The following NAV2 variants were observed in gnomAD, a reference collection of about 807,000 sequenced individuals.
NAV2 encodes neuron navigator 2.
Under a neutral mutation model 223.2 loss-of-function variants are expected in NAV2, and 54 were observed. That is an observed-to-expected ratio of 0.24 (90% CI 0.19 to 0.30). NAV2 has a LOEUF of 0.30. Among genes scored for constraint, NAV2 ranks in the 10% least tolerant of loss-of-function variants. The probability of loss-of-function intolerance (pLI) is 1.00; values close to 1 mark genes in which losing one functional copy is unlikely to be tolerated. For synonymous variants in NAV2, 1,279 were observed against 1,239.3 expected, an observed-to-expected ratio of 1.03 and a Z score of -0.67; for missense variants, 2,806 against 3,147.5, an observed-to-expected ratio of 0.89 and a Z score of 2.60.
At chr11:19,851,116 A>G (rs1005772886) in intron 3 of NAV2, among the ~76,000 whole-genome samples, 2 of 152,218 alleles carry the variant, frequency 1.3e-5, no homozygotes, top group African/African-American at 4.8e-5. Flanking sequence ...CTAAAACTCT[A>G]TGAGAGCATA....
chr11:19,616,547 G>A (rs1433595281), intron 1 of NAV2, among the ~76,000 whole-genome samples: 1 of 152,098 alleles, frequency 6.6e-6, no homozygotes, highest in Non-Finnish European at 1.5e-5. Context: ...AGTCTGGAAG[G>A]CAGTCAGGCA....
intron 1 of NAV2, among the ~76,000 whole-genome samples, chr11:19,588,015 T>C (rs1428542516): frequency 1.3e-5 from 2 of 152,242 alleles, no homozygotes; most frequent in Non-Finnish European, 2.9e-5. Context: ...TGCAAATCTC[T>C]TGCCCTTAGA....
intron 1 of NAV2, among the ~76,000 whole-genome samples, chr11:19,784,971 G>T (rs1472674591): frequency 6.6e-6 from 1 of 152,176 alleles, no homozygotes; most frequent in Admixed American, 6.5e-5. Context: ...ATACAAGGTG[G>T]ATTAATGTTA....
At chr11:20,077,142 A>G (rs2059807305) in intron 22 of NAV2, among the ~76,000 whole-genome samples, 1 of 152,122 alleles carries the variant, frequency 6.6e-6, no homozygotes, top group South Asian at 2.1e-4. Flanking sequence ...CAATTACAAG[A>G]CTGCATGTAT....
At chr11:19,406,422 C>G (rs562112907) in intron 1 of NAV2, among the ~76,000 whole-genome samples, 1 of 152,160 alleles carries the variant, frequency 6.6e-6, no homozygotes, top group Non-Finnish European at 1.5e-5. Flanking sequence ...TGGAGGAGAG[C>G]GTTTTCCAGA....
chr11:19,990,583 C>A (rs866537882), intron 11 of NAV2, among the ~76,000 whole-genome samples: 2 of 152,146 alleles, frequency 1.3e-5, no homozygotes, highest in South Asian at 4.2e-4. Context: ...AATCTTCCCA[C>A]CGTCATCAAG....
chr11:19,941,398 G>A (rs2046391043), intron 8 of NAV2, among the ~76,000 whole-genome samples: 1 of 131,758 alleles, frequency 7.6e-6, no homozygotes, highest in South Asian at 2.4e-4. Flanking sequence ...TCAAGCAGTA[G>A]AAGTCACACA....
intron 1 of NAV2, among the ~76,000 whole-genome samples, chr11:19,497,983 G>A (rs1047448136): frequency 6.6e-5 from 10 of 152,176 alleles, no homozygotes; most frequent in Non-Finnish European, 1.0e-4. Context: ...TTCTGAGGTC[G>A]TTTTGTCATC....
chr11:19,433,419 G>A (rs1196600662), intron 1 of NAV2, among the ~76,000 whole-genome samples: 7 of 152,198 alleles, frequency 4.6e-5, no homozygotes, highest in Non-Finnish European at 2.9e-5. Flanking sequence ...GCAAGCATGA[G>A]ATCCTTGGCT....
rs2057320327 is a variant in NAV2 at position 20,045,226 on chromosome 11, C to T, written c.3458C>T (p.Pro1153Leu). Residue 1153 changes from proline to leucine, a missense_variant, in exon 14 of 38, where the codon CCA becomes CTA. Pro to Leu is a moderately conservative substitution (Grantham distance 98). Coordinates refer to ENST00000349880, the MANE Select transcript of NAV2 (RefSeq NM_145117.5). ...AGGTCAGCCACACTGGGCAAAATCC[C>T]AAAGTCATCTGCACTCGTCAGTCGG... ...TSRSATLGKI[P>L]KSSALVSRSA... The T allele has an allele frequency of 6.2e-7, 1 of 1,614,170 alleles. No individual in the cohort carries two copies. The highest frequency in any genetic ancestry group is 8.5e-7 in the Non-Finnish European group (1 of 1,180,030).
At chr11:19,747,797 G>A (rs1354658758) in intron 1 of NAV2, among the ~76,000 whole-genome samples, 3 of 152,138 alleles carry the variant, frequency 2.0e-5, no homozygotes, top group Admixed American at 6.5e-5. Flanking sequence ...CTTTCCCTTG[G>A]CAGTTATTTC....
chr11:19,557,216 G>A (rs112147213), intron 1 of NAV2, among the ~76,000 whole-genome samples: 1,954 of 152,290 alleles, frequency 0.013, 45 homozygotes, highest in African/African-American at 0.043. Context: ...TAATGTAGCC[G>A]TTTGGCAAGT....
intron 1 of NAV2, among the ~76,000 whole-genome samples, chr11:19,540,630 AGT>A (rs1028903858): frequency 6.6e-6 from 1 of 152,206 alleles, no homozygotes; most frequent in African/African-American, 2.4e-5. Context: ...ATTTTCCCAA[AGT>A]GTGTTTCCTT....
intron 1 of NAV2, among the ~76,000 whole-genome samples, chr11:19,388,372 T>C (rs1046962818): frequency 1.3e-5 from 2 of 152,204 alleles, no homozygotes; most frequent in Non-Finnish European, 2.9e-5. Flanking sequence ...CTCAGATGTC[T>C]TGAGTCCTGC....
chr11:19,537,024 A>C (rs763534351), intron 1 of NAV2, among the ~76,000 whole-genome samples: 1 of 152,204 alleles, frequency 6.6e-6, no homozygotes, highest in Non-Finnish European at 1.5e-5. Flanking sequence ...TAGAGACATT[A>C]ATTAGTTGCC....
At chr11:19,849,998 G>A (rs1474566951) in intron 3 of NAV2, among the ~76,000 whole-genome samples, 1 of 152,104 alleles carries the variant, frequency 6.6e-6, no homozygotes, top group Non-Finnish European at 1.5e-5. Flanking sequence ...GATCCTTCAA[G>A]ATCTGATTAC....
At chr11:20,039,722 G>A (rs947068123) in intron 12 of NAV2, among the ~76,000 whole-genome samples, 3 of 152,224 alleles carry the variant, frequency 2.0e-5, no homozygotes, top group Admixed American at 2.0e-4. Flanking sequence ...AGGTGCTGAG[G>A]AGCAAAGATG....
chr11:19,712,844 C>A lies in NAV2; in HGVS notation c.-852C>A, dbSNP rs902880091. Reference sequence around the variant, plus strand: ...CAGCGCCGGCAGCAGCCTGTCCTCCCCTGCGCTGAGCCCCGCAGCCAGCGC... The same window carrying A: ...CAGCGCCGGCAGCAGCCTGTCCTCCACTGCGCTGAGCCCCGCAGCCAGCGC... On this transcript the variant is annotated 5_prime_UTR_variant, in exon 1 of 38. Coordinates refer to ENST00000349880, the MANE Select transcript of NAV2 (RefSeq NM_145117.5). 6.6e-6 allele frequency among the ~76,000 whole-genome samples: 1 copy of A among 151,270 alleles called. No homozygotes were observed. The highest frequency in any genetic ancestry group is 2.4e-5 in the African/African-American group (1 of 41,322).
At chr11:19,426,609 A>G (rs1305113343) in intron 1 of NAV2, among the ~76,000 whole-genome samples, 2 of 152,168 alleles carry the variant, frequency 1.3e-5, no homozygotes, top group Non-Finnish European at 2.9e-5. Flanking sequence ...AGAGAGGAAT[A>G]TGTTTTGGGG....
Sources: gnomAD v4.1 joint callset for allele counts (sites outside exome capture counted in the v4.1 genomes callset) on GRCh38, gnomAD v4.1.1 for gene constraint, MANE v1.5 for transcripts, NCBI Gene and HGNC (gene_info 2026-07-23, HGNC 2026-07-21) for gene names.